PDGFD: variants seen among roughly 807,000 people sequenced by gnomAD.
PDGFD encodes platelet derived growth factor D.
Under a neutral mutation model 44.7 loss-of-function variants are expected in PDGFD, and 30 were observed. The observed-to-expected ratio is 0.67, with a 90% CI of 0.50 to 0.91. The LOEUF is 0.91. Ranked by LOEUF, PDGFD falls within the 40% of genes least tolerant of loss-of-function variation. The pLI, the probability that PDGFD is intolerant of heterozygous loss-of-function variation, is 0.00. For synonymous variants in PDGFD, 173 were observed against 168.4 expected (o/e 1.03, Z -0.21); for missense variants, 445 against 457.8 (o/e 0.97, Z 0.25).
chr11:104,001,544 A>G (rs1859619879), intron 1 of PDGFD, among the ~76,000 whole-genome samples: 1 of 152,206 alleles, frequency 6.6e-6, no homozygotes, highest in South Asian at 2.1e-4. Flanking sequence ...TGATGTCTGA[A>G]GTGAGTACCA....
intron 3 of PDGFD, among the ~76,000 whole-genome samples, chr11:103,979,379 T>C (rs530088593): frequency 9.5e-4 from 145 of 152,194 alleles, no homozygotes; most frequent in African/African-American, 3.0e-3. Flanking sequence ...TCAGCTTCTC[T>C]TTCCCTTGGA....
In PDGFD at chr11:104,132,763, T is replaced by A. The variant is rs1477790057; in HGVS notation, c.124+31041A>T. 2.0e-5 allele frequency among the ~76,000 whole-genome samples: 3 copies of A among 152,114 alleles called. 1 individual carries two copies. The highest frequency in any genetic ancestry group is 4.4e-5 in the Non-Finnish European group (3 of 67,970). ...TTCACTGTGGGACAGGAAATGGAGATTATGAGTACAATTAGTTGATTTTTC... is the reference window on the plus strand; with the variant it reads ...TTCACTGTGGGACAGGAAATGGAGAATATGAGTACAATTAGTTGATTTTTC... On this transcript the variant is annotated intron_variant, in intron 1 of 6. Transcript: ENST00000393158.
At chr11:103,955,717 A>G (rs1858832423) in intron 3 of PDGFD, among the ~76,000 whole-genome samples, 1 of 152,196 alleles carries the variant, frequency 6.6e-6, no homozygotes, top group Non-Finnish European at 1.5e-5. Flanking sequence ...TGCCTGTGAA[A>G]TTTAATAATA....
intron 1 of PDGFD, among the ~76,000 whole-genome samples, chr11:104,113,597 T>C (rs886476547): frequency 6.6e-6 from 1 of 152,026 alleles, no homozygotes; most frequent in African/African-American, 2.4e-5. Flanking sequence ...GTGTTTTTTT[T>C]TTTTTAATGA....
intron 6 of PDGFD, among the ~76,000 whole-genome samples, chr11:103,922,223 T>C (rs1445941151): frequency 1.3e-5 from 2 of 152,332 alleles, no homozygotes; most frequent in East Asian, 1.9e-4. Flanking sequence ...TCCTTCATTA[T>C]ACACTATCAA....
intron 6 of PDGFD, among the ~76,000 whole-genome samples, chr11:103,918,866 A>C (rs1490239849): frequency 6.6e-6 from 1 of 152,182 alleles, no homozygotes. Context: ...AAAAATGAAA[A>C]GCCTTTATCT....
At chr11:103,986,375 A>G (rs1287686906) in intron 3 of PDGFD, among the ~76,000 whole-genome samples, 1 of 152,198 alleles carries the variant, frequency 6.6e-6, no homozygotes, top group African/African-American at 2.4e-5. Flanking sequence ...AAGATACCTG[A>G]TTGAAAAACT....
intron 3 of PDGFD, among the ~76,000 whole-genome samples, chr11:103,977,721 T>G (rs907532047): frequency 1.3e-5 from 2 of 152,108 alleles, no homozygotes; most frequent in Non-Finnish European, 2.9e-5. Flanking sequence ...ACATACCATG[T>G]GTGTCTAGGA....
In PDGFD at chr11:103,909,813, G is replaced by A; in HGVS notation, c.994C>T (p.Gln332Ter). 1 of 1,614,128 alleles carries A rather than the reference G, an allele frequency of 6.2e-7. No homozygotes were observed. The highest frequency in any genetic ancestry group is 8.5e-7 in the Non-Finnish European group (1 of 1,179,994). Residue 332 changes from glutamine to a stop codon, truncating the protein, a stop_gained, in exon 7 of 7, where the codon CAG (glutamine) becomes TAG (stop). Coordinates refer to ENST00000393158, the MANE Select transcript of PDGFD (RefSeq NM_025208.5). LOFTEE classifies it high-confidence loss of function. ...CTCTTGATGTGGCCAGGCTCAAACT[G>A]TAATACCTAGGACAAGAAGCACATC... ...KTVKKYHEVL[Q>*]FEPGHIKRRG...
intron 1 of PDGFD, among the ~76,000 whole-genome samples, chr11:104,144,751 T>C (rs976256342): frequency 9.9e-5 from 15 of 152,150 alleles, no homozygotes; most frequent in African/African-American, 3.6e-4. Context: ...AATTTTTATT[T>C]AAATCCTGAC....
intron 1 of PDGFD, among the ~76,000 whole-genome samples, chr11:104,138,110 T>C (rs1405401661): frequency 6.6e-6 from 1 of 152,140 alleles, no homozygotes; most frequent in African/African-American, 2.4e-5. Flanking sequence ...ACTTTTTTAT[T>C]ATAAACAAAT....
chr11:104,011,952 TA>T (rs1859792606), intron 1 of PDGFD, among the ~76,000 whole-genome samples: 1 of 152,074 alleles, frequency 6.6e-6, no homozygotes, highest in African/African-American at 2.4e-5. Context: ...CTCAAGGAAA[TA>T]AATTTCCTGC....
intron 1 of PDGFD, among the ~76,000 whole-genome samples, chr11:104,001,688 C>T (rs533052111): frequency 3.9e-5 from 6 of 152,256 alleles, no homozygotes; most frequent in African/African-American, 1.4e-4. Context: ...TGGATTTTGG[C>T]TTTTTAGGCC....
intron 1 of PDGFD, among the ~76,000 whole-genome samples, chr11:104,077,217 A>G (rs1363173028): frequency 2.7e-5 from 4 of 147,646 alleles, no homozygotes; most frequent in South Asian, 2.1e-4. Context: ...GTAGATCTCA[A>G]TGTGAAAAAG....
intron 1 of PDGFD, among the ~76,000 whole-genome samples, chr11:104,146,139 C>T (rs906411127): frequency 2.0e-5 from 3 of 152,152 alleles, no homozygotes; most frequent in Admixed American, 6.5e-5. Context: ...ATTAAAGTTT[C>T]GACAAACACT....
At chr11:104,035,183 A>G (rs1419840360) in intron 1 of PDGFD, among the ~76,000 whole-genome samples, 3 of 152,118 alleles carry the variant, frequency 2.0e-5, no homozygotes, top group Non-Finnish European at 4.4e-5. Context: ...GTCACCTCAA[A>G]GGTTCATCTC....
At chr11:104,013,931 T>G (rs1859822929) in intron 1 of PDGFD, among the ~76,000 whole-genome samples, 2 of 152,086 alleles carry the variant, frequency 1.3e-5, no homozygotes, top group Non-Finnish European at 2.9e-5. Flanking sequence ...GTAAGTGGTC[T>G]TGATCTTTGT....
chr11:103,954,604 A>C (rs1241509921), intron 3 of PDGFD, among the ~76,000 whole-genome samples: 1 of 152,232 alleles, frequency 6.6e-6, no homozygotes, highest in Non-Finnish European at 1.5e-5. Context: ...TCTTTAACTT[A>C]CTAAGGATGA....
intron 3 of PDGFD, among the ~76,000 whole-genome samples, chr11:103,992,201 G>A (rs1459538284): frequency 6.6e-6 from 1 of 152,164 alleles, no homozygotes; most frequent in African/African-American, 2.4e-5. Flanking sequence ...GCAATAAAAT[G>A]AAATGAGGCA....
Sources: gnomAD v4.1 joint callset for allele counts (sites outside exome capture counted in the v4.1 genomes callset) on GRCh38, gnomAD v4.1.1 for gene constraint, MANE v1.5 for transcripts, NCBI Gene and HGNC (gene_info 2026-07-23, HGNC 2026-07-21) for gene names.